The following TFB1M variants were observed in gnomAD, a reference collection of about 807,000 sequenced individuals.
The protein encoded by TFB1M is transcription factor B1, mitochondrial, also known as dimethyladenosine transferase 1, mitochondrial.
Under a neutral mutation model 31.1 loss-of-function variants are expected in TFB1M, and 27 were observed. The observed-to-expected ratio is 0.87, with a 90% CI of 0.64 to 1.20. The LOEUF is 1.20. Ranked by LOEUF, TFB1M falls within the 50% of genes most tolerant of loss-of-function variation. The probability of loss-of-function intolerance (pLI) is 0.00; values close to 1 mark genes in which losing one functional copy is unlikely to be tolerated. For synonymous variants in TFB1M, 166 were observed against 151.8 expected (o/e 1.09, Z -0.69); for missense variants, 394 against 418.7 (o/e 0.94, Z 0.51).
In TFB1M at chr6:155,257,924, A is replaced by C; in HGVS notation, c.953T>G (p.Phe318Cys). Residue 318 changes from phenylalanine (F) to cysteine (C), a missense_variant, in exon 7 of 7, where the codon TTT becomes TGT. Physicochemically the swap from Phe to Cys is radical, Grantham distance 205. Around this residue, in one of 3 missense-constraint regions of TFB1M, gnomAD observed 115 missense variants for 144.1 expected, o/e 0.80. Transcript: ENST00000367166. ...GAGTTCTTCTCTGAAATTATATGCA[A>C]AGAGTTGTGGGTCTTCATCACACAT... Reference protein sequence around the residue: ...RKMCDEDPQLFAYNFREELKR... With the variant: ...RKMCDEDPQLCAYNFREELKR... 1 of 1,614,042 alleles carries C rather than the reference A, an allele frequency of 6.2e-7. No individual in the cohort carries two copies. Among genetic ancestry groups the C allele is most frequent in the Non-Finnish European group, 8.5e-7 (1 of 1,179,992 alleles).
chr6:155,295,771 A>G (rs1001513758), intron 4 of TFB1M, among the ~76,000 whole-genome samples: 1 of 152,258 alleles, frequency 6.6e-6, no homozygotes, highest in African/African-American at 2.4e-5. Flanking sequence ...TTTTTCCCTT[A>G]TCATTATTCC....
intron 4 of TFB1M, among the ~76,000 whole-genome samples, chr6:155,290,085 A>C (rs550650414): frequency 6.6e-6 from 1 of 152,324 alleles, no homozygotes; most frequent in African/African-American, 2.4e-5. Flanking sequence ...ATAGCAGTGC[A>C]TAGAATGGAC....
the TFB1M span, chr6:155,250,756 A>G: frequency 8.8e-7 from 1 of 1,132,254 alleles, no homozygotes; most frequent in African/African-American, 1.6e-5. Context: ...TATTTTCAAA[A>G]GCTCCACCGT....
chr6:155,240,600 G>A, the TFB1M span: 74 of 1,614,026 alleles, frequency 4.6e-5, no homozygotes, highest in South Asian at 1.9e-4. Context: ...GAAGGACCGC[G>A]GGAGAATCAG....
the TFB1M span, among the ~76,000 whole-genome samples, chr6:155,238,141 C>G: frequency 6.6e-6 from 1 of 152,236 alleles, no homozygotes; most frequent in African/African-American, 2.4e-5. Flanking sequence ...CTTAAATCAT[C>G]TCTCAAGTTC....
At chr6:155,295,136 G>C (rs1267423359) in intron 4 of TFB1M, among the ~76,000 whole-genome samples, 1 of 152,208 alleles carries the variant, frequency 6.6e-6, no homozygotes, top group African/African-American at 2.4e-5. Context: ...GGAGGCTGAG[G>C]CGGGTGGATC....
At chr6:155,313,569 C>A (rs1778111082) in intron 1 of TFB1M, among the ~76,000 whole-genome samples, 1 of 152,076 alleles carries the variant, frequency 6.6e-6, no homozygotes, top group African/African-American at 2.4e-5. Context: ...GTGGTTAAAC[C>A]AATATATAAA....
At chr6:155,243,960 G>T in the TFB1M span, 1 of 1,539,970 alleles carries the variant, frequency 6.5e-7, no homozygotes, top group Non-Finnish European at 9.0e-7. Context: ...AAATCTCATG[G>T]GTATTTTGGA....
At chr6:155,270,877 A>G (rs564621687) in intron 5 of TFB1M, among the ~76,000 whole-genome samples, 4 of 152,350 alleles carry the variant, frequency 2.6e-5, no homozygotes, top group Non-Finnish European at 5.9e-5. Context: ...TTCTTCCAGT[A>G]TTTATTTATG....
chr6:155,282,741 T>C (rs188426595), intron 5 of TFB1M, among the ~76,000 whole-genome samples: 1 of 152,194 alleles, frequency 6.6e-6, no homozygotes, highest in Non-Finnish European at 1.5e-5. Context: ...ATTTTTTTTT[T>C]TTTTGAGATG....
At chr6:155,240,673 C>G in the TFB1M span, 1 of 1,613,606 alleles carries the variant, frequency 6.2e-7, no homozygotes, top group Non-Finnish European at 8.5e-7. Flanking sequence ...GCAAAGTCAT[C>G]CAGGAGCTTG....
At chr6:155,283,422 C>G (rs324354) in intron 5 of TFB1M, among the ~76,000 whole-genome samples, 5 of 151,996 alleles carry the variant, frequency 3.3e-5, no homozygotes, top group Admixed American at 6.5e-5. Context: ...TTTGCCAAAA[C>G]GTAAACATCC....
At chr6:155,306,648 C>T (rs1180200778) in intron 2 of TFB1M, among the ~76,000 whole-genome samples, 2 of 152,032 alleles carry the variant, frequency 1.3e-5, no homozygotes, top group Non-Finnish European at 2.9e-5. Flanking sequence ...TGTATGATTC[C>T]ATTTATATAA....
At chr6:155,311,360 G>A in intron 1 of TFB1M, 21 bp from the exon 2 acceptor site, 1 of 1,609,900 alleles carries the variant, frequency 6.2e-7, no homozygotes. Flanking sequence ...AAGAGTTTTA[G>A]TTATCTCAAT....
chr6:155,243,415 G>A, the TFB1M span, among the ~76,000 whole-genome samples: 1 of 152,146 alleles, frequency 6.6e-6, no homozygotes, highest in South Asian at 2.1e-4. Flanking sequence ...CTGAAGAAAG[G>A]GTGTTTCTGT....
intron 5 of TFB1M, among the ~76,000 whole-genome samples, chr6:155,280,847 CA>C (rs777100165): frequency 7.9e-5 from 12 of 152,304 alleles, no homozygotes; most frequent in Non-Finnish European, 1.5e-4. Context: ...TGTGAACAAG[CA>C]GGGTTGGAAG....
intron 4 of TFB1M, among the ~76,000 whole-genome samples, chr6:155,296,643 C>T (rs966273943): frequency 2.0e-5 from 3 of 147,142 alleles, no homozygotes; most frequent in East Asian, 4.2e-4. Context: ...TATCACGTGC[C>T]AATCCTGGGT....
At chr6:155,246,229 TG>T in the TFB1M span, among the ~76,000 whole-genome samples, 6 of 152,206 alleles carry the variant, frequency 3.9e-5, no homozygotes, top group Non-Finnish European at 7.4e-5. Context: ...TCTCTCTGCG[TG>T]GGCCTGGAGG....
At chr6:155,296,342 C>A (rs1777170700) in intron 4 of TFB1M, among the ~76,000 whole-genome samples, 1 of 151,998 alleles carries the variant, frequency 6.6e-6, no homozygotes, top group Admixed American at 6.6e-5. Context: ...TCACTGCAAC[C>A]TCCGCCTCCC....
Sources: allele counts gnomAD v4.1 joint callset (sites outside exome capture counted in the v4.1 genomes callset), GRCh38; gene constraint gnomAD v4.1.1; regional missense constraint gnomAD v4.1.1; transcripts MANE v1.5; gene names NCBI Gene and HGNC (gene_info 2026-07-23, HGNC 2026-07-21).